The following CNTN1 variants were observed in gnomAD, a reference collection of about 807,000 sequenced individuals.
CNTN1 encodes contactin 1, also known as contactin-1.
CNTN1 carries 38 observed loss-of-function variants against 126.4 expected under a neutral mutation model. The ratio of observed to expected loss-of-function variants is 0.30; its 90% CI spans 0.23 to 0.39. CNTN1 has a LOEUF of 0.39. CNTN1 is among the 10% of genes least tolerant of loss of function. The pLI is 1.00. For missense variants in CNTN1, 1,009 were observed against 1,248.4 expected (o/e 0.81, Z 2.89); for synonymous variants, 413 against 422.6 (o/e 0.98, Z 0.28).
intron 1 of CNTN1, among the ~76,000 whole-genome samples, chr12:40,780,743 A>G (rs1423080847): frequency 6.6e-6 from 1 of 150,768 alleles, no homozygotes; most frequent in Admixed American, 6.6e-5. Context: ...AAAATCCATG[A>G]ATCAAAAGAG....
At chr12:41,064,769 C>CTAGATAGATAGATAGATAGA (rs59729389) in intron 23 of CNTN1, among the ~76,000 whole-genome samples, 23 of 150,718 alleles carry the variant, frequency 1.5e-4, no homozygotes, top group African/African-American at 3.7e-4. Context: ...TGCTACCTCT[C>CTAGATAGATAGATAGATAGA]TAGATAGATA....
chr12:40,886,138 T>C (rs1216277642), intron 1 of CNTN1, among the ~76,000 whole-genome samples: 2 of 152,098 alleles, frequency 1.3e-5, no homozygotes, highest in Non-Finnish European at 2.9e-5. Flanking sequence ...GTATGCAAAA[T>C]AATAGTTCTG....
intron 1 of CNTN1, among the ~76,000 whole-genome samples, chr12:40,727,296 A>T (rs186008755): frequency 6.6e-6 from 1 of 152,116 alleles, no homozygotes; most frequent in East Asian, 1.9e-4. Context: ...TTAAAATGAC[A>T]TAAAGCTGTA....
chr12:40,698,724 G>T (rs1941516852), intron 1 of CNTN1, among the ~76,000 whole-genome samples: 3 of 151,890 alleles, frequency 2.0e-5, no homozygotes, highest in African/African-American at 7.3e-5. Context: ...AAAATTTTTT[G>T]AGTTAGTTCC....
At chr12:40,757,822 A>G (rs1938672754) in intron 1 of CNTN1, among the ~76,000 whole-genome samples, 1 of 152,198 alleles carries the variant, frequency 6.6e-6, no homozygotes, top group South Asian at 2.1e-4. Context: ...TTATTAAAAT[A>G]ATCAAATATC....
intron 1 of CNTN1, among the ~76,000 whole-genome samples, chr12:40,695,890 A>G (rs1941438396): frequency 6.6e-6 from 1 of 152,122 alleles, no homozygotes; most frequent in African/African-American, 2.4e-5. Flanking sequence ...CTGCATTTCC[A>G]TTCCTAATCT....
Position 41,032,302 on chromosome 12 carries a change from T to A in CNTN1, c.2980+3083T>A, listed in dbSNP as rs113897406. ...GGAATGGTGTGAACCCTGGAGGTGG[T>A]GCTTGCAGTGAGCCGAAATCGCGCC... is the stretch of plus-strand genomic sequence containing the variant. On this transcript the variant is annotated intron_variant, in intron 23 of 23. Transcript: ENST00000551295. Among the ~76,000 whole-genome samples, 590 of 147,144 alleles carry A rather than the reference T, an allele frequency of 4.0e-3. 7 individuals carry two copies. The highest frequency in any genetic ancestry group is 0.014 in the African/African-American group (568 of 39,492).
intron 17 of CNTN1, among the ~76,000 whole-genome samples, chr12:41,001,005 T>G (rs575864939): frequency 6.6e-6 from 1 of 152,356 alleles, no homozygotes; most frequent in African/African-American, 2.4e-5. Context: ...GGTGTATATG[T>G]ACCACATTTT....
At chr12:41,038,797 G>C (rs1949328703) in intron 23 of CNTN1, among the ~76,000 whole-genome samples, 1 of 152,098 alleles carries the variant, frequency 6.6e-6, no homozygotes, top group African/African-American at 2.4e-5. Flanking sequence ...GATAGTATCT[G>C]AAGGTAGCTG....
chr12:40,870,021 G>T (rs1024054768), intron 1 of CNTN1, among the ~76,000 whole-genome samples: 1 of 152,136 alleles, frequency 6.6e-6, no homozygotes, highest in African/African-American at 2.4e-5. Context: ...TCATGATAGT[G>T]AGTGGGTCTC....
chr12:40,717,288 A>G (rs182533482), intron 1 of CNTN1, among the ~76,000 whole-genome samples: 1 of 152,318 alleles, frequency 6.6e-6, no homozygotes, highest in East Asian at 1.9e-4. Context: ...TTTTACCTAA[A>G]TGTATATATA....
At chr12:40,862,014 G>T (rs866352608) in intron 1 of CNTN1, among the ~76,000 whole-genome samples, 2 of 151,552 alleles carry the variant, frequency 1.3e-5, no homozygotes, top group Middle Eastern at 6.8e-3. Context: ...AGGAGTTTGA[G>T]ACCAGCCTGG....
intron 1 of CNTN1, among the ~76,000 whole-genome samples, chr12:40,747,825 G>A (rs1938245375): frequency 1.3e-5 from 2 of 152,090 alleles, no homozygotes; most frequent in Admixed American, 6.6e-5. Context: ...ATAAAGACAA[G>A]TACATTACAA....
chr12:40,838,417 C>A (rs562921597), intron 1 of CNTN1, among the ~76,000 whole-genome samples: 3 of 152,330 alleles, frequency 2.0e-5, no homozygotes, highest in African/African-American at 7.2e-5. Flanking sequence ...ATCTGAACAC[C>A]CACTTGGCCT....
At chr12:40,878,014 T>TG (rs1943732914) in intron 1 of CNTN1, among the ~76,000 whole-genome samples, 1 of 86,040 alleles carries the variant, frequency 1.2e-5, no homozygotes, top group Non-Finnish European at 2.9e-5. Flanking sequence ...TTTTTTTTTT[T>TG]GAGATAGAGT....
chr12:40,943,573 T>TTA (rs778071354), intron 12 of CNTN1, 24 bp from the exon 13 acceptor site: 1 of 1,505,910 alleles, frequency 6.6e-7, no homozygotes, highest in Admixed American at 1.7e-5. Context: ...GGTTTGTGAA[T>TTA]TATATATATT....
intron 1 of CNTN1, among the ~76,000 whole-genome samples, chr12:40,797,392 A>G (rs551403986): frequency 2.0e-5 from 3 of 152,164 alleles, no homozygotes; most frequent in East Asian, 1.9e-4. Flanking sequence ...AGCTAAGAAA[A>G]GAACTGGAGA....
At chr12:41,045,104 C>G (rs543495272) in intron 23 of CNTN1, among the ~76,000 whole-genome samples, 1 of 151,924 alleles carries the variant, frequency 6.6e-6, no homozygotes, top group Non-Finnish European at 1.5e-5. Context: ...ATTAAGATAT[C>G]TATTCTTTAC....
intron 23 of CNTN1, 85 bp from the exon 24 acceptor site, chr12:41,069,874 A>G (rs1354363039): frequency 9.4e-7 from 1 of 1,066,372 alleles, no homozygotes; most frequent in East Asian, 2.4e-5. Context: ...GGGCTATGCA[A>G]TCTCGCCTTA....
Sources: gnomAD v4.1 joint callset for allele counts (sites outside exome capture counted in the v4.1 genomes callset) on GRCh38, gnomAD v4.1.1 for gene constraint, MANE v1.5 for transcripts, NCBI Gene and HGNC (gene_info 2026-07-23, HGNC 2026-07-21) for gene names.